CNTLN: variants seen among roughly 807,000 people sequenced by gnomAD.
CNTLN encodes centlein, centrosomal protein.
Under a neutral mutation model 180.0 loss-of-function variants are expected in CNTLN, and 212 were observed. That is an observed-to-expected ratio of 1.18 (90% confidence interval 1.05 to 1.32). CNTLN has a LOEUF of 1.32. Among genes scored for constraint, CNTLN ranks in the 40% most tolerant of loss-of-function variants. The pLI is 0.00. For missense variants in CNTLN, 2,095 were observed against 1,610.9 expected, an observed-to-expected ratio of 1.30 and a Z score of -5.14; for synonymous variants, 722 against 563.1, an observed-to-expected ratio of 1.28 and a Z score of -3.99.
chr9:17,473,702 T>C (rs1056071407), intron 23 of CNTLN, among the ~76,000 whole-genome samples: 4 of 152,144 alleles, frequency 2.6e-5, no homozygotes, highest in Admixed American at 2.6e-4. Flanking sequence ...TCAAAAGTGA[T>C]ACCTATTCTC....
chr9:17,433,691 G>A lies in CNTLN; in HGVS notation c.3114+17502G>A, dbSNP rs116705893. Among the ~76,000 whole-genome samples the A allele has an allele frequency of 3.6e-3, 541 of 152,094 alleles. 2 individuals are homozygous for A. The highest frequency in any genetic ancestry group is 0.013 in the African/African-American group (522 of 41,486). On this transcript the variant is annotated intron_variant, in intron 18 of 25. Coordinates refer to ENST00000380647, the MANE Select transcript of CNTLN (RefSeq NM_017738.4). Reference sequence around the variant, plus strand: ...TGCCCAGGCTAGAGTGCAGTGACGTGATCATGGCTCACTGTAACCTCAAAC... The same window carrying A: ...TGCCCAGGCTAGAGTGCAGTGACGTAATCATGGCTCACTGTAACCTCAAAC...
At chr9:17,386,676 A>G (rs1825711027) in intron 13 of CNTLN, among the ~76,000 whole-genome samples, 1 of 152,330 alleles carries the variant, frequency 6.6e-6, no homozygotes, top group Admixed American at 6.5e-5. Flanking sequence ...ATGGTTAGCC[A>G]ATCTACCAGT....
chr9:17,396,620 C>T (rs1005185034), intron 15 of CNTLN, among the ~76,000 whole-genome samples: 3 of 152,104 alleles, frequency 2.0e-5, no homozygotes, highest in Non-Finnish European at 4.4e-5. Flanking sequence ...CTGAAAATTA[C>T]CTTAAAATGT....
At chr9:17,333,532 T>C (rs1179327119) in intron 10 of CNTLN, among the ~76,000 whole-genome samples, 1 of 152,142 alleles carries the variant, frequency 6.6e-6, no homozygotes, top group African/African-American at 2.4e-5. Flanking sequence ...AGATTCTTTG[T>C]CATATAATAT....
intron 5 of CNTLN, among the ~76,000 whole-genome samples, chr9:17,272,179 C>T (rs548130290): frequency 1.2e-4 from 18 of 145,416 alleles, no homozygotes; most frequent in South Asian, 7.3e-4. Context: ...TGGGTTCAAG[C>T]GATTCTTTTG....
intron 5 of CNTLN, among the ~76,000 whole-genome samples, chr9:17,239,587 G>A (rs1403556930): frequency 6.6e-6 from 1 of 152,000 alleles, no homozygotes; most frequent in Non-Finnish European, 1.5e-5. Context: ...TGTTCTAGGA[G>A]TTTTATAGTT....
rs191376159 is a variant in CNTLN, at chr9:17,215,959, C to T, written c.450-10244C>T. Among the ~76,000 whole-genome samples the T allele has an allele frequency of 2.2e-4, 34 of 152,202 alleles. 1 individual carries two copies. The highest frequency in any genetic ancestry group is 6.3e-4 in the African/African-American group (26 of 41,518). On this transcript the variant is annotated intron_variant, in intron 2 of 25. Transcript: ENST00000380647. ...TCCAGGTGCTGGTTGTCACAGCTTC[C>T]GTTTGCTAGGAAAGGGAAATCCCTG...
chr9:17,517,596 G>C, the CNTLN span, among the ~76,000 whole-genome samples: 8 of 151,954 alleles, frequency 5.3e-5, no homozygotes, highest in Non-Finnish European at 8.8e-5. Flanking sequence ...TGCAGACGGA[G>C]GTATAGTTTG....
chr9:17,175,487 C>T (rs533955083), intron 2 of CNTLN, among the ~76,000 whole-genome samples: 1 of 152,234 alleles, frequency 6.6e-6, no homozygotes, highest in South Asian at 2.1e-4. Flanking sequence ...GTTCTTCATT[C>T]TGTTCTATTG....
At chr9:17,379,237 G>C (rs1199744009) in intron 13 of CNTLN, among the ~76,000 whole-genome samples, 1 of 151,708 alleles carries the variant, frequency 6.6e-6, no homozygotes, top group Non-Finnish European at 1.5e-5. Context: ...TTTCCTCTAA[G>C]TTTTCTCTAA....
rs189178960 is a variant in CNTLN, at chr9:17,451,920, A to G, written c.3115-5604A>G. Among the ~76,000 whole-genome samples, 25 of 152,344 alleles carry G rather than the reference A, an allele frequency of 1.6e-4. 1 individual carries two copies. In the East Asian group the frequency reaches 4.2e-3, roughly 26 times the overall value. On this transcript the variant is annotated intron_variant, in intron 18 of 25. Transcript: ENST00000380647. ...ATGCTGTAGGATGGATATTGTCCAGAAAAAAGCTGTAGGTCAGAATCACTT... is the reference window on the plus strand; with the variant it reads ...ATGCTGTAGGATGGATATTGTCCAGGAAAAAGCTGTAGGTCAGAATCACTT...
intron 10 of CNTLN, among the ~76,000 whole-genome samples, chr9:17,335,429 A>G (rs2133155020): frequency 6.6e-6 from 1 of 152,224 alleles, no homozygotes; most frequent in East Asian, 1.9e-4. Flanking sequence ...AGGCAGGAGA[A>G]TTGCTTGAAC....
intron 6 of CNTLN, 121 bp from the exon 7 acceptor site, chr9:17,298,069 C>T (rs1818074740): frequency 4.6e-6 from 3 of 650,764 alleles, no homozygotes; most frequent in Non-Finnish European, 7.1e-6. Flanking sequence ...AATAAGTTTG[C>T]CTGCAGTACA....
chr9:17,349,989 A>G (rs1029580232), intron 12 of CNTLN, among the ~76,000 whole-genome samples: 1 of 152,228 alleles, frequency 6.6e-6, no homozygotes, highest in African/African-American at 2.4e-5. Context: ...GCAAGCTTTC[A>G]GAAATGCCAG....
At chr9:17,340,800 A>G (rs377042716) in intron 10 of CNTLN, 27 bp from the exon 11 acceptor site, 7 of 1,588,222 alleles carry the variant, frequency 4.4e-6, no homozygotes, top group Middle Eastern at 1.7e-4. Flanking sequence ...TCAAACTTAT[A>G]TATACTTGCT....
At chr9:17,379,725 C>G (rs1329506715) in intron 13 of CNTLN, among the ~76,000 whole-genome samples, 1 of 152,148 alleles carries the variant, frequency 6.6e-6, no homozygotes, top group African/African-American at 2.4e-5. Context: ...AATCCCAAAA[C>G]TTTTTCCATG....
At chr9:17,518,272 C>T in the CNTLN span, among the ~76,000 whole-genome samples, 1 of 151,960 alleles carries the variant, frequency 6.6e-6, no homozygotes, top group East Asian at 1.9e-4. Context: ...TGGTCTTGAA[C>T]TCCTGACCTC....
chr9:17,307,513 GC>G (rs1818803729), intron 7 of CNTLN, among the ~76,000 whole-genome samples: 2 of 152,036 alleles, frequency 1.3e-5, no homozygotes, highest in Non-Finnish European at 2.9e-5. Context: ...CAGGTGATCT[GC>G]CCATCTCGGC....
rs191061258 is a variant in CNTLN at position 17,428,310 on chromosome 9, T to C, written c.3114+12121T>C. ...AGACAGATTATGATAATAATAATAGTGAGAATAGCTAACCTTTACGTGCTT... is the reference window on the plus strand; with the variant it reads ...AGACAGATTATGATAATAATAATAGCGAGAATAGCTAACCTTTACGTGCTT... On this transcript the variant is annotated intron_variant, in intron 18 of 25. Coordinates refer to ENST00000380647, the MANE Select transcript of CNTLN (RefSeq NM_017738.4). Among the ~76,000 whole-genome samples, 28 of 152,280 alleles carry C rather than the reference T, an allele frequency of 1.8e-4. No individual in the cohort carries two copies. In the East Asian group the frequency reaches 3.1e-3, roughly 17 times the overall value.
Sources: allele counts gnomAD v4.1 joint callset (sites outside exome capture counted in the v4.1 genomes callset), GRCh38; gene constraint gnomAD v4.1.1; transcripts MANE v1.5; gene names NCBI Gene and HGNC (gene_info 2026-07-23, HGNC 2026-07-21).